BRCA1: variants seen among roughly 807,000 people sequenced by gnomAD.
The protein encoded by BRCA1 is BRCA1 DNA repair associated, also known as breast cancer type 1 susceptibility protein.
Under a neutral mutation model 173.7 loss-of-function variants are expected in BRCA1, and 140 were observed. That is an observed-to-expected ratio of 0.81 (90% CI 0.70 to 0.93). BRCA1 has a LOEUF of 0.93. BRCA1 is among the 40% of genes least tolerant of loss of function. The pLI, the probability that BRCA1 is intolerant of heterozygous loss-of-function variation, is 0.00. For synonymous variants in BRCA1, 662 were observed against 756.0 expected (o/e 0.88, Z 2.04); for missense variants, 1,983 against 2,172.5 (o/e 0.91, Z 1.73).
intron 2 of BRCA1, among the ~76,000 whole-genome samples, chr17:43,122,468 A>AT (rs2055621990): frequency 6.6e-6 from 1 of 152,224 alleles, no homozygotes; most frequent in Non-Finnish European, 1.5e-5. Flanking sequence ...GGGACTAGAG[A>AT]TAAAAAATGG....
chr17:43,145,409 C>G (rs1307599119), intron 1 of BRCA1, among the ~76,000 whole-genome samples: 4 of 151,146 alleles, frequency 2.6e-5, no homozygotes. Flanking sequence ...TCACTGCAAG[C>G]TCCGCCTCCC....
intron 12 of BRCA1, among the ~76,000 whole-genome samples, chr17:43,077,662 C>T (rs2052799413): frequency 6.6e-6 from 1 of 151,806 alleles, no homozygotes; most frequent in Non-Finnish European, 1.5e-5. Flanking sequence ...ATTTACTCCT[C>T]CAAATGTATC....
upstream of BRCA1, among the ~76,000 whole-genome samples, chr17:43,126,314 ATCT>A (rs1231997982): frequency 3.3e-5 from 5 of 152,218 alleles, no homozygotes; most frequent in Admixed American, 2.0e-4. Context: ...GTAAGAGCCA[ATCT>A]TCTTGGCGAA....
At chr17:43,111,974 G>C (rs2055056658) in intron 3 of BRCA1, among the ~76,000 whole-genome samples, 1 of 152,124 alleles carries the variant, frequency 6.6e-6, no homozygotes, top group Admixed American at 6.5e-5. Flanking sequence ...AAGCATGGGG[G>C]TATCGCTCCC....
chr17:43,097,699 A>G (rs1448715787), intron 7 of BRCA1, among the ~76,000 whole-genome samples: 1 of 152,244 alleles, frequency 6.6e-6, no homozygotes, highest in Non-Finnish European at 1.5e-5. Context: ...GAAAAATTTC[A>G]TAACTTCTCT....
Position 43,044,535 on chromosome 17 carries a change from A to G in BRCA1, c.*1143T>C. On this transcript the variant is annotated 3_prime_UTR_variant, in exon 23 of 23. Transcript: ENST00000357654. ...CAGCAACAGGGAGCAAAGGAAAAAA[A>G]TCACCTCAAAGAAAGCAACAGCTTC... 4 of 506,480 alleles carry G rather than the reference A, an allele frequency of 7.9e-6. 1 individual carries two copies. Among genetic ancestry groups the G allele is most frequent in the South Asian group, 6.2e-5 (4 of 64,890 alleles). 31.4% of individuals were successfully genotyped at this position (506,480 alleles called of 1,614,324 possible). A position where few individuals can be genotyped will look rare whatever the true frequency, so the allele number is the denominator to read the frequency against.
At position 43,115,745 on chromosome 17, in the gene BRCA1, A is replaced by G. The variant is rs80357164; in HGVS notation, c.115T>C (p.Cys39Arg). The G allele has an allele frequency of 6.2e-7, 1 of 1,613,730 alleles. No homozygotes were observed. Among genetic ancestry groups the G allele is most frequent in the Non-Finnish European group, 8.5e-7 (1 of 1,179,810 alleles). The change falls in exon 3 of 23, where the codon TGT (cysteine) becomes CGT (arginine). Residue 39 changes from cysteine (C) to arginine (R), a missense_variant. Cys to Arg is a radical substitution (Grantham distance 180). Coordinates refer to ENST00000357654, the MANE Select transcript of BRCA1 (RefSeq NM_007294.4). ...ACTTACTTGCAAAATATGTGGTCAC[A>G]CTTTGTGGAGACAGGTTCCTTGATC... ...ELIKEPVSTK[C>R]DHIFCKFCML... is the part of the protein sequence containing the mutation.
In BRCA1 at chr17:43,071,116, A is replaced by G. The variant is rs775837744; in HGVS notation, c.4798T>C (p.Leu1600=). The stretch of plus-strand genomic sequence containing the variant: ...GCAACTTTCAATTGGGGAACTTTCA[A>G]TGCAGAGGTTGAAGATGGTATGTTG... ...VGNIPSSTSA[L]KVPQLKVAES... Residue 1600 remains leucine (L), a synonymous_variant, in exon 15 of 23, where the codon TTG becomes CTG. Coordinates refer to ENST00000357654, the MANE Select transcript of BRCA1 (RefSeq NM_007294.4). 5.6e-6 allele frequency: 9 copies of G among 1,614,202 alleles called. No individual in the cohort carries two copies. In the East Asian group the frequency reaches 1.6e-4, roughly 28 times the overall value.
In BRCA1 at chr17:43,119,817, C is replaced by T. The variant is rs961274781; in HGVS notation, c.81-4038G>A. On this transcript the variant is annotated intron_variant, in intron 2 of 22. Coordinates refer to ENST00000357654, the MANE Select transcript of BRCA1 (RefSeq NM_007294.4). ...TCTCACCACTGACTCAATTCTGAAA[C>T]AATTATATTTCAGTATGGTAATTAT... Among the ~76,000 whole-genome samples, 13 of 152,110 alleles carry T rather than the reference C, an allele frequency of 8.5e-5. No individual in the cohort carries two copies. The highest frequency in any genetic ancestry group is 1.2e-4 in the African/African-American group (5 of 41,406).
chr17:43,154,221 C>T (rs2056181568), intron 1 of BRCA1, among the ~76,000 whole-genome samples: 2 of 151,596 alleles, frequency 1.3e-5, no homozygotes, highest in African/African-American at 4.9e-5. Context: ...CACGGGGGCT[C>T]ACGCTTGTAA....
intron 11 of BRCA1, among the ~76,000 whole-genome samples, chr17:43,086,510 T>C (rs960407592): frequency 1.3e-5 from 2 of 152,224 alleles, no homozygotes; most frequent in Non-Finnish European, 2.9e-5. Flanking sequence ...TGTGCTACTT[T>C]AGACGTAAGA....
intron 1 of BRCA1, among the ~76,000 whole-genome samples, chr17:43,155,183 T>C (rs981669561): frequency 2.6e-5 from 4 of 152,112 alleles, no homozygotes; most frequent in Non-Finnish European, 5.9e-5. Flanking sequence ...TAATTTTCTT[T>C]TTTTGAGACA....
intron 12 of BRCA1, among the ~76,000 whole-genome samples, chr17:43,077,575 C>A (rs961754414): frequency 5.9e-5 from 9 of 151,966 alleles, no homozygotes; most frequent in Admixed American, 5.2e-4. Flanking sequence ...CTCAAGTGAT[C>A]CACCCGCCTT....
At chr17:43,058,559 C>A (rs779225529) in intron 18 of BRCA1, among the ~76,000 whole-genome samples, 4 of 152,172 alleles carry the variant, frequency 2.6e-5, no homozygotes, top group African/African-American at 9.7e-5. Context: ...ACTTAACAAT[C>A]GGCTTTTCAC....
chr17:43,146,903 C>G (rs1340046457), intron 1 of BRCA1, among the ~76,000 whole-genome samples: 1 of 152,144 alleles, frequency 6.6e-6, no homozygotes, highest in Non-Finnish European at 1.5e-5. Flanking sequence ...GTTTCTCACC[C>G]CCTCCTCATT....
upstream of BRCA1, among the ~76,000 whole-genome samples, chr17:43,126,452 G>T (rs2055878470): frequency 6.6e-6 from 1 of 152,186 alleles, no homozygotes; most frequent in Admixed American, 6.5e-5. Context: ...CGGGAAGCTG[G>T]TAAGGAAGCA....
At chr17:43,154,866 TA>T (rs1041522729) in intron 1 of BRCA1, among the ~76,000 whole-genome samples, 1 of 150,232 alleles carries the variant, frequency 6.7e-6, no homozygotes, top group Non-Finnish European at 1.5e-5. Context: ...GTAATATGTA[TA>T]GGGGGTAGGT....
upstream of BRCA1, among the ~76,000 whole-genome samples, chr17:43,128,708 C>T (rs1242380242): frequency 1.3e-5 from 2 of 152,180 alleles, no homozygotes; most frequent in African/African-American, 2.4e-5. Flanking sequence ...TCCTTCTCAT[C>T]CCATTCTCCT....
intron 17 of BRCA1, 88 bp from the exon 18 acceptor site, chr17:43,063,461 A>G (rs1007985423): frequency 7.3e-6 from 8 of 1,101,974 alleles, no homozygotes; most frequent in Non-Finnish European, 1.1e-5. Context: ...TTCACAAAAG[A>G]GCACAGGAAG....
Sources: gnomAD v4.1 joint callset for allele counts (sites outside exome capture counted in the v4.1 genomes callset) on GRCh38, gnomAD v4.1.1 for gene constraint, MANE v1.5 for transcripts, NCBI Gene and HGNC (gene_info 2026-07-23, HGNC 2026-07-21) for gene names.